Variants in RBM39 observed in about 807,000 individuals in gnomAD.
The protein encoded by RBM39 is RNA-binding protein 39.
In RBM39, 12 loss-of-function variants were observed where a neutral mutation model predicts 79.6. The ratio of observed to expected loss-of-function variants is 0.15; its 90% CI spans 0.10 to 0.24. The LOEUF (loss-of-function observed/expected upper bound fraction) is 0.24, where lower values mean the gene tolerates loss of function less well. Among genes scored for constraint, RBM39 ranks in the 10% least tolerant of loss-of-function variants. RBM39 has a pLI of 1.00. For missense variants in RBM39, 243 were observed against 653.4 expected (o/e 0.37, Z 6.85); for synonymous variants, 185 against 208.4 (o/e 0.89, Z 0.97).
chr20:35,707,027 T>TAA (rs58614202), intron 14 of RBM39, 93 bp downstream of exon 14: 6,845 of 150,514 alleles, frequency 0.045, 66 homozygotes, highest in African/African-American at 0.066. Flanking sequence ...AACTCCATCT[T>TAA]AAAAAAAAAA....
intron 13 of RBM39, chr20:35,707,746 T>G (rs2035919099): frequency 4.0e-6 from 1 of 249,856 alleles, no homozygotes; most frequent in Admixed American, 5.3e-5. Flanking sequence ...AAATAAATCC[T>G]ATTAATAAAT....
At chr20:35,738,286 A>C (rs1444778016) in intron 3 of RBM39, among the ~76,000 whole-genome samples, 1 of 152,238 alleles carries the variant, frequency 6.6e-6, no homozygotes, top group South Asian at 2.1e-4. Context: ...AGAAAAAAAA[A>C]AAGTGGATCT....
intron 10 of RBM39, among the ~76,000 whole-genome samples, chr20:35,716,370 G>A (rs1460228503): frequency 6.6e-6 from 1 of 152,018 alleles, no homozygotes; most frequent in African/African-American, 2.4e-5. Flanking sequence ...CACCGCGCCC[G>A]GCCACAAAAA....
intron 6 of RBM39, among the ~76,000 whole-genome samples, chr20:35,728,361 A>T (rs2038990056): frequency 6.6e-6 from 1 of 152,280 alleles, no homozygotes; most frequent in Admixed American, 6.5e-5. Context: ...CGATTTGATC[A>T]TTACACTGTA....
rs1368845235 is a variant in RBM39, at chr20:35,738,998, C to G, written c.71G>C (p.Ser24Thr). 1 of 1,613,426 alleles carries G rather than the reference C, an allele frequency of 6.2e-7. No individual in the cohort carries two copies. Among genetic ancestry groups the G allele is most frequent in the Non-Finnish European group, 8.5e-7 (1 of 1,179,362 alleles). The stretch of plus-strand genomic sequence containing the variant: ...GCTACGTTCTTCATGGCCGTTGGCA[C>G]TGCTCAACTTGTTCTCATCCTAAGC... ...PYKKDENKLSSANGHEERSKK... is the reference protein window; with the variant it reads ...PYKKDENKLSTANGHEERSKK... Residue 24 changes from serine (S) to threonine (T), a missense_variant, in exon 3 of 17, where the codon AGT (serine) becomes ACT (threonine). Ser to Thr is a moderately conservative substitution (Grantham distance 58). Around this residue, in one of 4 missense-constraint regions of RBM39, gnomAD observed 115 missense variants for 184.1 expected, o/e 0.62. Transcript: ENST00000253363.
Position 35,703,935 on chromosome 20 carries a change from A to T in RBM39, c.*546T>A, listed in dbSNP as rs1370977769. On this transcript the variant is annotated 3_prime_UTR_variant, in exon 17 of 17. Transcript: ENST00000253363. ...TATTTACAAAGAAACTTTTACAGAT[A>T]CATTAATTGAAAAGATACCATCAAG... The T allele has an allele frequency of 3.3e-5, 5 of 152,620 alleles. No homozygotes were observed. The highest frequency in any genetic ancestry group is 7.3e-5 in the Non-Finnish European group (5 of 68,322). 9.5% of individuals were successfully genotyped at this position (152,620 alleles called of 1,614,324 possible). A position where few individuals can be genotyped will look rare whatever the true frequency, so the allele number is the denominator to read the frequency against.
At chr20:35,724,822 T>G in intron 7 of RBM39, 100 bp from the exon 8 acceptor site, 1 of 1,390,332 alleles carries the variant, frequency 7.2e-7, no homozygotes, top group East Asian at 2.4e-5. Context: ...TTTAAAAATT[T>G]AATTAAAAAA....
intron 9 of RBM39, among the ~76,000 whole-genome samples, chr20:35,719,372 A>C (rs1038490107): frequency 1.3e-5 from 2 of 152,096 alleles, no homozygotes; most frequent in Admixed American, 6.5e-5. Flanking sequence ...TTTGGAAGAG[A>C]GTTGAGTACT....
chr20:35,710,528 A>C (rs2036273031), intron 12 of RBM39: 1 of 152,172 alleles, frequency 6.6e-6, no homozygotes, highest in Non-Finnish European at 1.5e-5. Context: ...CAAAGTGAAA[A>C]ATAAAGCATG....
chr20:35,723,227 C>T (rs2038213671), intron 8 of RBM39, among the ~76,000 whole-genome samples: 1 of 139,822 alleles, frequency 7.2e-6, no homozygotes, highest in Non-Finnish European at 1.5e-5. Context: ...ACCAAGATCG[C>T]CTCAAAAAAA....
intron 11 of RBM39, 66 bp from the exon 12 acceptor site, chr20:35,713,162 T>C (rs2036648753): frequency 2.2e-6 from 3 of 1,357,766 alleles, no homozygotes; most frequent in African/African-American, 1.5e-5. Flanking sequence ...TCCTGGGTCA[T>C]TAATATCATG....
In RBM39 at chr20:35,741,962, T is replaced by A. The variant is rs1447279455; in HGVS notation, c.-35A>T. 1 of 229,252 alleles carries A rather than the reference T, an allele frequency of 4.4e-6. No homozygotes were observed. The highest frequency in any genetic ancestry group is 4.8e-5 in the South Asian group (1 of 20,966). 14.2% of individuals were successfully genotyped at this position (229,252 alleles called of 1,614,324 possible). On this transcript the variant is annotated 5_prime_UTR_variant, in exon 1 of 17. Coordinates refer to ENST00000253363, the MANE Select transcript of RBM39 (RefSeq NM_184234.3). ...GTACCTGTTCCGGCCTTCGGGCGCC[T>A]GTGGTGCTCGTGTTCGGGAAGAGAT...
Position 35,705,257 on chromosome 20 carries a change from T to C in RBM39, c.1381A>G (p.Ile461Val), listed in dbSNP as rs1176144841. ...GAATTTTTGTCAACATAAATATGAA[T>C]AACTCCTCCATGTTTATTACATTCT... ...IEECNKHGGV[I>V]HIYVDKNSAQ... Residue 461 changes from isoleucine (I) to valine (V), a missense_variant, in exon 15 of 17, where the codon ATT becomes GTT. This residue lies in a region of RBM39 where 48 missense variants were observed against 130.2 expected (regional missense o/e 0.37). Coordinates refer to ENST00000253363, the MANE Select transcript of RBM39 (RefSeq NM_184234.3). 1 of 1,574,330 alleles carries C rather than the reference T, an allele frequency of 6.4e-7. No individual in the cohort carries two copies. The highest frequency in any genetic ancestry group is 8.6e-7 in the Non-Finnish European group (1 of 1,167,832).
intron 6 of RBM39, among the ~76,000 whole-genome samples, chr20:35,726,350 C>T (rs943283437): frequency 2.0e-5 from 3 of 152,062 alleles, no homozygotes; most frequent in Admixed American, 1.3e-4. Flanking sequence ...CCAGGATGGT[C>T]TTGATCTCCT....
At chr20:35,739,398 C>T (rs1331928267) in intron 2 of RBM39, 2 of 472,262 alleles carry the variant, frequency 4.2e-6, no homozygotes, top group South Asian at 3.1e-5. Context: ...AGTACCATGG[C>T]TCTATTTCTG....
At chr20:35,733,546 T>C (rs916838575) in intron 3 of RBM39, among the ~76,000 whole-genome samples, 7 of 151,620 alleles carry the variant, frequency 4.6e-5, no homozygotes, top group African/African-American at 1.5e-4. Flanking sequence ...GAGGCAGAGG[T>C]TGGAGTGAGC....
chr20:35,739,609 CAATT>C (rs1243563634), intron 2 of RBM39: 4 of 456,202 alleles, frequency 8.8e-6, no homozygotes, highest in African/African-American at 8.0e-5. Flanking sequence ...CCAAGAAAGT[CAATT>C]AATAATCCAC....
chr20:35,717,291 CAAAAACAAAAAAA>C (rs767438223), intron 9 of RBM39, among the ~76,000 whole-genome samples: 1 of 136,628 alleles, frequency 7.3e-6, no homozygotes, highest in Non-Finnish European at 1.6e-5. Flanking sequence ...AAAAACAAAA[CAAAAACAAAAAAA>C]AAAAACAAAC....
At chr20:35,707,234 G>GA in intron 13 of RBM39, 33 bp from the exon 14 acceptor site, 1 of 1,468,128 alleles carries the variant, frequency 6.8e-7, no homozygotes, top group East Asian at 2.3e-5. Context: ...TAGTTTCATG[G>GA]AAAATGCATG....
Sources: allele counts gnomAD v4.1 joint callset (sites outside exome capture counted in the v4.1 genomes callset), GRCh38; gene constraint gnomAD v4.1.1; regional missense constraint gnomAD v4.1.1; transcripts MANE v1.5; gene names NCBI Gene and HGNC (gene_info 2026-07-23, HGNC 2026-07-21).